The following TSGA10 variants were observed in gnomAD, a reference collection of about 807,000 sequenced individuals.
TSGA10 encodes testis specific 10.
In TSGA10, 43 loss-of-function variants were observed where a neutral mutation model predicts 96.6. The observed-to-expected ratio is 0.44, with a 90% CI of 0.35 to 0.57. The LOEUF (loss-of-function observed/expected upper bound fraction) is 0.57, where lower values mean the gene tolerates loss of function less well. Ranked by LOEUF, TSGA10 falls within the 20% of genes least tolerant of loss-of-function variation. TSGA10 has a pLI of 0.01. For missense variants in TSGA10, 703 were observed against 834.4 expected, an observed-to-expected ratio of 0.84 and a Z score of 1.94; for synonymous variants, 229 against 269.9, an observed-to-expected ratio of 0.85 and a Z score of 1.48.
chr2:99,109,209 G>A (rs1046464528), intron 6 of TSGA10, among the ~76,000 whole-genome samples, 180 bp downstream of exon 6: 5 of 152,126 alleles, frequency 3.3e-5, no homozygotes, highest in African/African-American at 1.2e-4. Context: ...TTATGCTGAG[G>A]ATAAAGAACC....
chr2:99,006,675 G>C (rs1573386081), intron 20 of TSGA10, among the ~76,000 whole-genome samples: 3 of 152,180 alleles, frequency 2.0e-5, no homozygotes, highest in African/African-American at 7.2e-5. Flanking sequence ...GGAGAAATAG[G>C]AACACTTTTA....
chr2:99,090,067 GA>G (rs2089105294), intron 10 of TSGA10, among the ~76,000 whole-genome samples: 1 of 152,186 alleles, frequency 6.6e-6, no homozygotes, highest in South Asian at 2.1e-4. Context: ...TGAGAGACCA[GA>G]AGATGGTTCA....
intron 20 of TSGA10, among the ~76,000 whole-genome samples, chr2:99,003,422 C>A (rs2078150778): frequency 1.3e-5 from 2 of 152,156 alleles, no homozygotes; most frequent in Non-Finnish European, 2.9e-5. Context: ...ATATCCAGGA[C>A]TTGAACTCAG....
chr2:99,084,952 T>C (rs1001214225), intron 10 of TSGA10, among the ~76,000 whole-genome samples: 4 of 151,438 alleles, frequency 2.6e-5, no homozygotes, highest in African/African-American at 9.7e-5. Flanking sequence ...AGCTGGTATA[T>C]TAGAATAAGT....
chr2:99,094,902 T>C (rs755704356), intron 10 of TSGA10, among the ~76,000 whole-genome samples: 8 of 152,174 alleles, frequency 5.3e-5, no homozygotes, highest in South Asian at 2.1e-4. Flanking sequence ...CTACTGAGTG[T>C]CTACCCAGAG....
chr2:99,145,316 G>A lies in TSGA10; in HGVS notation c.-621+9377C>T, dbSNP rs143007196. Among the ~76,000 whole-genome samples, 599 of 152,210 alleles carry A rather than the reference G, an allele frequency of 3.9e-3. 5 individuals are homozygous for A. The highest frequency in any genetic ancestry group is 0.014 in the African/African-American group (574 of 41,504). ...CTCACACCTATAATCCCAGCATTTT[G>A]GGAGGCCAAGGCAGGTGGATCACTT... On this transcript the variant is annotated intron_variant, in intron 1 of 20. Transcript: ENST00000393483.
intron 14 of TSGA10, 24 bp downstream of exon 14, chr2:99,071,676 TGGAGAA>T: frequency 6.3e-7 from 1 of 1,583,242 alleles, no homozygotes; most frequent in Admixed American, 1.8e-5. Context: ...TTTTTTTTCT[TGGAGAA>T]AATGATTCTA....
chr2:99,148,506 C>A (rs2093655000), intron 1 of TSGA10, among the ~76,000 whole-genome samples: 1 of 151,922 alleles, frequency 6.6e-6, no homozygotes, highest in Admixed American at 6.6e-5. Context: ...TACAGTAGAC[C>A]CAGGACTCTG....
chr2:99,092,085 T>C (rs1268084059), intron 10 of TSGA10, among the ~76,000 whole-genome samples: 1 of 152,166 alleles, frequency 6.6e-6, no homozygotes, highest in Non-Finnish European at 1.5e-5. Context: ...TCAAGTACTG[T>C]CTCTGACCAC....
At chr2:99,047,310 A>G (rs1003415533) in intron 16 of TSGA10, among the ~76,000 whole-genome samples, 1 of 152,236 alleles carries the variant, frequency 6.6e-6, no homozygotes. Context: ...ATGAACCTCA[A>G]TGCAAAAATC....
At chr2:99,052,886 T>C (rs748610564) in intron 16 of TSGA10, among the ~76,000 whole-genome samples, 32 of 152,016 alleles carry the variant, frequency 2.1e-4, no homozygotes, top group African/African-American at 6.7e-4. Flanking sequence ...CTGGGCAACA[T>C]GCCCATCTCT....
chr2:99,042,092 G>T (rs999838260), intron 16 of TSGA10, among the ~76,000 whole-genome samples: 1 of 149,740 alleles, frequency 6.7e-6, no homozygotes, highest in African/African-American at 2.5e-5. Flanking sequence ...GCCCAGGCTG[G>T]AGTGCAGTGG....
In TSGA10 at chr2:99,117,600, CGA is replaced by C; in HGVS notation, c.-198_-197del. 1 of 985,726 alleles carries C rather than the reference CGA, an allele frequency of 1.0e-6. No individual in the cohort carries two copies. The highest frequency in any genetic ancestry group is 1.2e-6 in the Non-Finnish European group (1 of 829,894). 61.1% of individuals were successfully genotyped at this position (985,726 alleles called of 1,614,324 possible). On this transcript the variant is annotated 5_prime_UTR_variant, in exon 4 of 21. Coordinates refer to ENST00000393483, the MANE Select transcript of TSGA10 (RefSeq NM_025244.4). ...TCCACCACAAAATTTTTCTCTTTTTCGAGTTGCTCTGCTAGTTGGTCAATTTT... is the reference window on the plus strand; with the variant it reads ...TCCACCACAAAATTTTTCTCTTTTTCGTTGCTCTGCTAGTTGGTCAATTTT...
intron 20 of TSGA10, among the ~76,000 whole-genome samples, chr2:99,000,656 G>A (rs1378103289): frequency 1.3e-5 from 2 of 152,198 alleles, no homozygotes; most frequent in East Asian, 3.9e-4. Context: ...GGGACTTGTT[G>A]GACAGTGGGT....
chr2:99,006,368 G>T (rs1382335244), intron 20 of TSGA10, among the ~76,000 whole-genome samples: 2 of 152,070 alleles, frequency 1.3e-5, no homozygotes, highest in Non-Finnish European at 2.9e-5. Flanking sequence ...CCAACAGAAT[G>T]GGAGAATATT....
intron 10 of TSGA10, among the ~76,000 whole-genome samples, chr2:99,085,941 A>G (rs555317408): frequency 4.6e-5 from 7 of 152,350 alleles, no homozygotes; most frequent in Admixed American, 4.6e-4. Context: ...GTATGGCATT[A>G]GTCTACGGAT....
intron 14 of TSGA10, among the ~76,000 whole-genome samples, chr2:99,070,549 T>C (rs968884767): frequency 1.3e-5 from 2 of 152,170 alleles, no homozygotes; most frequent in Admixed American, 1.3e-4. Flanking sequence ...TGGGGGCTTT[T>C]CTAAACTCTT....
At chr2:99,118,227 G>C (rs2092379681) in intron 3 of TSGA10, among the ~76,000 whole-genome samples, 1 of 151,828 alleles carries the variant, frequency 6.6e-6, no homozygotes, top group African/African-American at 2.4e-5. Flanking sequence ...GAGGCGGGCA[G>C]ATCATCTGAG....
At chr2:99,021,212 A>G (rs1364997071) in intron 17 of TSGA10, among the ~76,000 whole-genome samples, 1 of 152,036 alleles carries the variant, frequency 6.6e-6, no homozygotes, top group Admixed American at 6.5e-5. Flanking sequence ...CAGTGAAAAG[A>G]AATAAAAATG....
Sources: gnomAD v4.1 joint callset for allele counts (sites outside exome capture counted in the v4.1 genomes callset) on GRCh38, gnomAD v4.1.1 for gene constraint, MANE v1.5 for transcripts, NCBI Gene and HGNC (gene_info 2026-07-23, HGNC 2026-07-21) for gene names.